THSD7A: variants seen among roughly 807,000 people sequenced by gnomAD.
The protein encoded by THSD7A is thrombospondin type-1 domain-containing protein 7A.
In THSD7A, 96 loss-of-function variants were observed where a neutral mutation model predicts 231.3. That is an observed-to-expected ratio of 0.41 (90% CI 0.35 to 0.49). The LOEUF (loss-of-function observed/expected upper bound fraction) is 0.49. Among genes scored for constraint, THSD7A ranks in the 20% least tolerant of loss-of-function variants. The probability of loss-of-function intolerance (pLI) is 0.05; values close to 1 mark genes in which losing one functional copy is unlikely to be tolerated. For missense variants in THSD7A, 2,290 were observed against 2,070.2 expected (o/e 1.11, Z -2.06); for synonymous variants, 940 against 743.3 (o/e 1.26, Z -4.30).
chr7:11,471,471 T>G (rs1301057179), intron 8 of THSD7A, among the ~76,000 whole-genome samples: 1 of 152,034 alleles, frequency 6.6e-6, no homozygotes, highest in Non-Finnish European at 1.5e-5. Context: ...TACTTCATTT[T>G]TGACATATCT....
chr7:11,508,477 T>C (rs1787652445), intron 6 of THSD7A, among the ~76,000 whole-genome samples: 6 of 152,060 alleles, frequency 3.9e-5, no homozygotes, highest in Admixed American at 1.3e-4. Flanking sequence ...GAAATTAGAA[T>C]CCTTGTACAT....
chr7:11,430,519 G>T (rs896158858), intron 13 of THSD7A, among the ~76,000 whole-genome samples: 1 of 152,066 alleles, frequency 6.6e-6, no homozygotes. Context: ...GGAGTGCAGT[G>T]GTGTCATCAT....
intron 1 of THSD7A, among the ~76,000 whole-genome samples, chr7:11,769,155 T>A (rs376774616): frequency 0.031 from 1,210 of 39,632 alleles, 28 homozygotes; most frequent in Non-Finnish European, 0.053. Context: ...ATATATATAT[T>A]TTTTTTTTTT....
At chr7:11,399,359 T>C (rs1016359846) in intron 23 of THSD7A, among the ~76,000 whole-genome samples, 2 of 152,242 alleles carry the variant, frequency 1.3e-5, no homozygotes, top group African/African-American at 4.8e-5. Context: ...ATTTTATTTA[T>C]GGTAATGACA....
At chr7:11,613,389 T>G (rs757921816) in intron 2 of THSD7A, among the ~76,000 whole-genome samples, 17 of 152,162 alleles carry the variant, frequency 1.1e-4, no homozygotes, top group Non-Finnish European at 1.9e-4. Context: ...TTTCAGCTCA[T>G]TTAGGGTTTA....
chr7:11,761,324 A>T (rs1233375061), intron 1 of THSD7A, among the ~76,000 whole-genome samples: 1 of 152,112 alleles, frequency 6.6e-6, no homozygotes, highest in Non-Finnish European at 1.5e-5. Context: ...AGGTTGAAAT[A>T]CATATCATGT....
chr7:11,488,550 T>A (rs1786756852), intron 6 of THSD7A, among the ~76,000 whole-genome samples: 2 of 152,092 alleles, frequency 1.3e-5, no homozygotes, highest in South Asian at 4.1e-4. Context: ...CAAGTCAATT[T>A]TAATCCCTGC....
intron 16 of THSD7A, among the ~76,000 whole-genome samples, chr7:11,419,525 T>C (rs1168540229): frequency 1.3e-5 from 2 of 152,282 alleles, no homozygotes; most frequent in East Asian, 3.9e-4. Flanking sequence ...TAAACCTCTT[T>C]CTTTATAAAT....
At chr7:11,457,006 AAAAGAAATGCTT>A (rs2128297128) in intron 11 of THSD7A, among the ~76,000 whole-genome samples, 1 of 152,250 alleles carries the variant, frequency 6.6e-6, no homozygotes, top group East Asian at 1.9e-4. Flanking sequence ...TAAATTCTTT[AAAAGAAATGCTT>A]AAAGAATCTA....
intron 1 of THSD7A, among the ~76,000 whole-genome samples, chr7:11,802,168 A>C (rs754286780): frequency 6.6e-6 from 1 of 152,176 alleles, no homozygotes; most frequent in Non-Finnish European, 1.5e-5. Flanking sequence ...TTAGGAAATC[A>C]TTCAAAATCC....
At chr7:11,516,736 A>G (rs1175820740) in intron 6 of THSD7A, among the ~76,000 whole-genome samples, 1 of 152,250 alleles carries the variant, frequency 6.6e-6, no homozygotes, top group East Asian at 1.9e-4. Context: ...AAAGGATTAA[A>G]TATAAAATGT....
chr7:11,782,961 G>A (rs1447003133), intron 1 of THSD7A, among the ~76,000 whole-genome samples: 1 of 152,088 alleles, frequency 6.6e-6, no homozygotes, highest in East Asian at 1.9e-4. Flanking sequence ...GTTTTGGTGA[G>A]TAATCCTGAA....
chr7:11,671,851 A>G (rs1429739030), intron 1 of THSD7A, among the ~76,000 whole-genome samples: 1 of 152,106 alleles, frequency 6.6e-6, no homozygotes, highest in Admixed American at 6.5e-5. Flanking sequence ...GTGGTTGTCT[A>G]ATTAGCAGAT....
Position 11,563,248 on chromosome 7 carries a change from A to G in THSD7A, c.1454-20131T>C, listed in dbSNP as rs533861862. Among the ~76,000 whole-genome samples, 36 of 152,278 alleles carry G rather than the reference A, an allele frequency of 2.4e-4. No homozygotes were observed. In the South Asian group the frequency reaches 5.2e-3, roughly 22 times the overall value. Reference sequence around the variant, plus strand: ...TCAAAGCTCATACATTTATTCCTCAATCAATTTTGAGCCATATTTAAAATA... The same window carrying G: ...TCAAAGCTCATACATTTATTCCTCAGTCAATTTTGAGCCATATTTAAAATA... On this transcript the variant is annotated intron_variant, in intron 4 of 27. Transcript: ENST00000423059.
At chr7:11,772,336 C>G (rs892791763) in intron 1 of THSD7A, among the ~76,000 whole-genome samples, 2 of 152,134 alleles carry the variant, frequency 1.3e-5, no homozygotes, top group Admixed American at 6.5e-5. Context: ...GAACTTAAAA[C>G]AGAACTACCA....
At chr7:11,752,343 A>G (rs895299968) in intron 1 of THSD7A, among the ~76,000 whole-genome samples, 2 of 152,094 alleles carry the variant, frequency 1.3e-5, no homozygotes, top group Non-Finnish European at 2.9e-5. Flanking sequence ...AAGCTTGAAT[A>G]TGTTCCTGTG....
intron 4 of THSD7A, among the ~76,000 whole-genome samples, chr7:11,543,724 G>C (rs1399986419): frequency 6.6e-6 from 1 of 152,156 alleles, no homozygotes; most frequent in Non-Finnish European, 1.5e-5. Context: ...CACAAATCTA[G>C]TAATCACTAA....
intron 1 of THSD7A, among the ~76,000 whole-genome samples, chr7:11,733,182 G>A (rs946346088): frequency 6.6e-6 from 1 of 151,798 alleles, no homozygotes; most frequent in African/African-American, 2.4e-5. Flanking sequence ...GTGAATTGGT[G>A]TTTCCTATTG....
chr7:11,613,755 G>C (rs1781013785), intron 2 of THSD7A, among the ~76,000 whole-genome samples: 1 of 152,190 alleles, frequency 6.6e-6, no homozygotes, highest in African/African-American at 2.4e-5. Flanking sequence ...TCTACGATCA[G>C]CAGTAAATTG....
Sources: allele counts gnomAD v4.1 joint callset (sites outside exome capture counted in the v4.1 genomes callset), GRCh38; gene constraint gnomAD v4.1.1; transcripts MANE v1.5; gene names NCBI Gene and HGNC (gene_info 2026-07-23, HGNC 2026-07-21).